The following PAPOLA variants were observed in gnomAD, a reference collection of about 807,000 sequenced individuals.
PAPOLA encodes the protein polynucleotide adenylyltransferase alpha.
PAPOLA carries 15 observed loss-of-function variants against 100.6 expected under a neutral mutation model. The observed-to-expected ratio is 0.15, with a 90% CI of 0.10 to 0.23. The LOEUF (loss-of-function observed/expected upper bound fraction) is 0.23. Among genes scored for constraint, PAPOLA ranks in the 10% least tolerant of loss-of-function variants. The probability of loss-of-function intolerance (pLI) is 1.00; values close to 1 mark genes in which losing one functional copy is unlikely to be tolerated. For synonymous variants in PAPOLA, 293 were observed against 300.0 expected (o/e 0.98, Z 0.24); for missense variants, 533 against 884.2 (o/e 0.60, Z 5.04).
intron 4 of PAPOLA, 38 bp from the exon 5 acceptor site, chr14:96,527,392 A>C: frequency 8.5e-7 from 1 of 1,172,920 alleles, no homozygotes; most frequent in Non-Finnish European, 1.3e-6. Flanking sequence ...ATTTTCTTGT[A>C]ATATTAATTA....
chr14:96,559,581 C>CTCTCTCTCTCTCTATATATA (rs370979875), intron 19 of PAPOLA, among the ~76,000 whole-genome samples: 2 of 120,182 alleles, frequency 1.7e-5, no homozygotes, highest in African/African-American at 6.7e-5. Flanking sequence ...CTCTCTCTCT[C>CTCTCTCTCTCTCTATATATA]TATATATATA....
intron 1 of PAPOLA, among the ~76,000 whole-genome samples, chr14:96,503,128 C>T (rs1896438864): frequency 6.6e-6 from 1 of 152,226 alleles, no homozygotes; most frequent in African/African-American, 2.4e-5. Flanking sequence ...TAGCCCCTTT[C>T]CACTGACCTT....
chr14:96,529,363 AT>A (rs780829120), intron 6 of PAPOLA, among the ~76,000 whole-genome samples: 1 of 151,342 alleles, frequency 6.6e-6, no homozygotes, highest in Admixed American at 6.6e-5. Context: ...TAACAGTACA[AT>A]TTTTTTTCTG....
intron 1 of PAPOLA, among the ~76,000 whole-genome samples, chr14:96,512,693 T>C (rs903786033): frequency 1.3e-5 from 2 of 152,238 alleles, no homozygotes; most frequent in East Asian, 3.8e-4. Flanking sequence ...ATCTCATTGC[T>C]TTATTTTGGC....
chr14:96,533,881 T>A (rs923592797), intron 9 of PAPOLA: 9 of 985,550 alleles, frequency 9.1e-6, no homozygotes, highest in Non-Finnish European at 1.1e-5. Flanking sequence ...GCTACACATA[T>A]ATAAGCAAAT....
Position 96,520,134 on chromosome 14 carries a change from G to A in PAPOLA, c.88G>A (p.Ala30Thr), listed in dbSNP as rs1897823196. ...YGITSPISLA[A>T]PKETDCVLTQ... ...CATTACTTCTCCTATCAGCTTAGCA[G>A]CCCCCAAGGAGACTGACTGCGTACT... is the stretch of plus-strand genomic sequence containing the variant. Residue 30 changes from alanine (A) to threonine (T), a missense_variant, in exon 2 of 22, where the codon GCC (alanine) becomes ACC (threonine). Around this residue, in one of 9 missense-constraint regions of PAPOLA, gnomAD observed 48 missense variants for 52.3 expected, o/e 0.92. Transcript: ENST00000216277. 1 of 1,613,826 alleles carries A rather than the reference G, an allele frequency of 6.2e-7. No homozygotes were observed. The highest frequency in any genetic ancestry group is 8.5e-7 in the Non-Finnish European group (1 of 1,179,728).
intron 4 of PAPOLA, chr14:96,527,139 G>A (rs1042341086): frequency 1.4e-5 from 5 of 369,334 alleles, no homozygotes; most frequent in Non-Finnish European, 2.4e-5. Flanking sequence ...TTGGGTGTAT[G>A]TTTGAATAAT....
rs925075717 is a variant in PAPOLA at position 96,544,706 on chromosome 14, G to A, written c.1399+448G>A. ...TAGAACCATTCCAAACTTGACTTGCGCATAATTTCTTGAGAAATGGGAAAC... is the reference window on the plus strand; with the variant it reads ...TAGAACCATTCCAAACTTGACTTGCACATAATTTCTTGAGAAATGGGAAAC... On this transcript the variant is annotated intron_variant, in intron 15 of 21. Coordinates refer to ENST00000216277, the MANE Select transcript of PAPOLA (RefSeq NM_032632.5). Among the ~76,000 whole-genome samples the A allele has an allele frequency of 9.2e-5, 14 of 151,944 alleles. No homozygotes were observed. The South Asian group carries it at 1.0e-3, about 11-fold the overall frequency.
intron 1 of PAPOLA, among the ~76,000 whole-genome samples, chr14:96,517,698 C>CTTTT (rs774296764): frequency 3.8e-4 from 46 of 121,850 alleles, no homozygotes; most frequent in Non-Finnish European, 5.8e-4. Flanking sequence ...TCAGCAAATG[C>CTTTT]TTTTTTTTTT....
In PAPOLA at chr14:96,542,878, A is replaced by G. The variant is rs1458372240; in HGVS notation, c.1274A>G (p.Lys425Arg). Residue 425 changes from lysine (K) to arginine (R), a missense_variant, in exon 14 of 22, where the codon AAA (lysine) becomes AGA (arginine). Coordinates refer to ENST00000216277, the MANE Select transcript of PAPOLA (RefSeq NM_032632.5). ...HVNPQSFPAP[K>R]ENPDKEEFRT... ...AATCCCCAGTCATTTCCAGCACCCA[A>G]AGAAAATCCCGACAAGTAAGCCCTT... is the stretch of plus-strand genomic sequence containing the variant. 6.2e-7 allele frequency: 1 copy of G among 1,612,070 alleles called. No individual in the cohort carries two copies. The highest frequency in any genetic ancestry group is 1.7e-5 in the Admixed American group (1 of 59,510).
At chr14:96,564,874 G>T in intron 21 of PAPOLA, 81 bp from the exon 22 acceptor site, 1 of 759,728 alleles carries the variant, frequency 1.3e-6, no homozygotes, top group Admixed American at 1.9e-5. Context: ...GGTTTCTTAG[G>T]AAGTAAAGCA....
chr14:96,533,546 C>CTTTTTTTTTTTTTTTTTTTTTTT (rs1172413058), intron 9 of PAPOLA: 2 of 574,906 alleles, frequency 3.5e-6, no homozygotes, highest in Non-Finnish European at 2.1e-6. Flanking sequence ...GTCAGAATTT[C>CTTTTTTTTTTTTTTTTTTTTTTT]TTTTTTTTTT....
At chr14:96,548,917 T>C (rs1228496735) in intron 16 of PAPOLA, among the ~76,000 whole-genome samples, 1 of 152,210 alleles carries the variant, frequency 6.6e-6, no homozygotes, top group African/African-American at 2.4e-5. Flanking sequence ...AGGCAAGGAC[T>C]CTGGAGTGGA....
intron 21 of PAPOLA, among the ~76,000 whole-genome samples, chr14:96,563,621 T>A (rs1169651197): frequency 1.3e-5 from 2 of 152,176 alleles, no homozygotes; most frequent in African/African-American, 4.8e-5. Context: ...TGATACTATG[T>A]ACTATGATGA....
intron 20 of PAPOLA, among the ~76,000 whole-genome samples, chr14:96,561,933 C>T (rs1249531107): frequency 8.8e-5 from 13 of 148,404 alleles, no homozygotes; most frequent in Admixed American, 8.2e-4. Flanking sequence ...CTTGCTCTGT[C>T]GCCCAGGCTG....
At chr14:96,555,491 G>A (rs1016331490) in intron 17 of PAPOLA, among the ~76,000 whole-genome samples, 19 of 151,848 alleles carry the variant, frequency 1.3e-4, no homozygotes, top group African/African-American at 4.1e-4. Flanking sequence ...GTAGCCAGCC[G>A]CCATATGTGA....
chr14:96,503,315 T>C (rs1249146685), intron 1 of PAPOLA, among the ~76,000 whole-genome samples: 1 of 152,224 alleles, frequency 6.6e-6, no homozygotes, highest in African/African-American at 2.4e-5. Flanking sequence ...GGTAACCAGG[T>C]TTCATTCTGT....
intron 1 of PAPOLA, among the ~76,000 whole-genome samples, chr14:96,518,300 A>G (rs1210756345): frequency 1.3e-5 from 2 of 152,230 alleles, no homozygotes; most frequent in African/African-American, 4.8e-5. Flanking sequence ...AAGACAAATT[A>G]CAGAACAGTC....
In PAPOLA at chr14:96,502,613, T is replaced by C. The variant is rs1896362580; in HGVS notation, c.8+13T>C. Reference sequence around the variant, plus strand: ...AGACGATGCCGTTGTAAGTAATTTGTATTCTGTTTTCTTTCGCTCGCCGGC... The same window carrying C: ...AGACGATGCCGTTGTAAGTAATTTGCATTCTGTTTTCTTTCGCTCGCCGGC... On this transcript the variant is annotated intron_variant, in intron 1 of 21. Coordinates refer to ENST00000216277, the MANE Select transcript of PAPOLA (RefSeq NM_032632.5). The C allele has an allele frequency of 6.3e-7, 1 of 1,574,936 alleles. No homozygotes were observed. The highest frequency in any genetic ancestry group is 1.4e-5 in the African/African-American group (1 of 72,322).
Sources: gnomAD v4.1 joint callset for allele counts (sites outside exome capture counted in the v4.1 genomes callset) on GRCh38, gnomAD v4.1.1 for gene constraint, gnomAD v4.1.1 regional missense constraint, MANE v1.5 for transcripts, NCBI Gene and HGNC (gene_info 2026-07-23, HGNC 2026-07-21) for gene names.